Variants in DPYD observed in about 807,000 individuals in gnomAD.
DPYD encodes dihydropyrimidine dehydrogenase, also known as dihydropyrimidine dehydrogenase [NADP(+)].
Under a neutral mutation model 116.2 loss-of-function variants are expected in DPYD, and 109 were observed. That is an observed-to-expected ratio of 0.94 (90% confidence interval 0.80 to 1.10). The LOEUF (loss-of-function observed/expected upper bound fraction) is 1.10, where lower values mean the gene tolerates loss of function less well. DPYD is among the 50% of genes least tolerant of loss of function. The pLI is 0.00. For synonymous variants in DPYD, 440 were observed against 432.0 expected, an observed-to-expected ratio of 1.02 and a Z score of -0.23; for missense variants, 1,302 against 1,254.5, an observed-to-expected ratio of 1.04 and a Z score of -0.57.
chr1:97,157,890 A>C (rs188597243), intron 20 of DPYD, among the ~76,000 whole-genome samples: 2 of 152,132 alleles, frequency 1.3e-5, no homozygotes, highest in African/African-American at 4.8e-5. Flanking sequence ...TTCAGGTGAT[A>C]TATATCTGCA....
At chr1:97,525,347 G>T (rs1648974413) in intron 12 of DPYD, among the ~76,000 whole-genome samples, 1 of 151,888 alleles carries the variant, frequency 6.6e-6, no homozygotes, top group South Asian at 2.1e-4. Context: ...TTATATTGCA[G>T]TATAGCTGAT....
intron 18 of DPYD, chr1:97,295,988 A>G (rs1666501947): frequency 6.5e-6 from 1 of 153,448 alleles, no homozygotes. Flanking sequence ...TAAATTTTGT[A>G]TGCCTGAGAA....
chr1:97,484,228 C>T (rs555795427), intron 13 of DPYD, among the ~76,000 whole-genome samples: 36 of 152,168 alleles, frequency 2.4e-4, no homozygotes, highest in Admixed American at 1.5e-3. Flanking sequence ...CGTTTGAAGC[C>T]GGGAGGTGGA....
intron 2 of DPYD, among the ~76,000 whole-genome samples, chr1:97,858,508 G>C (rs1483595791): frequency 6.6e-6 from 1 of 152,188 alleles, no homozygotes; most frequent in Admixed American, 6.5e-5. Flanking sequence ...TCTACTTCCA[G>C]ATATTATAAA....
chr1:97,389,299 A>AT (rs527745559), intron 14 of DPYD, among the ~76,000 whole-genome samples: 1,161 of 111,436 alleles, frequency 0.01, 18 homozygotes, highest in African/African-American at 0.036. Context: ...ACAGAATGAG[A>AT]TTTTGTCTTT....
At chr1:97,181,492 T>G (rs1052083472) in intron 20 of DPYD, among the ~76,000 whole-genome samples, 1 of 152,266 alleles carries the variant, frequency 6.6e-6, no homozygotes, top group Non-Finnish European at 1.5e-5. Context: ...CCATTTTACC[T>G]GGAAAGTGAA....
At chr1:97,391,046 C>T (rs12049600) in intron 14 of DPYD, among the ~76,000 whole-genome samples, 14,545 of 133,264 alleles carry the variant, frequency 0.11, 970 homozygotes, top group South Asian at 0.28. Context: ...CTTACTTTTC[C>T]TCTTTTTTTT....
At chr1:97,655,888 A>T (rs762885629) in intron 8 of DPYD, among the ~76,000 whole-genome samples, 32 of 152,198 alleles carry the variant, frequency 2.1e-4, no homozygotes, top group Non-Finnish European at 4.0e-4. Flanking sequence ...GGGAGAAATC[A>T]GGATGAAAAG....
chr1:97,848,604 T>G (rs554880009), intron 2 of DPYD, among the ~76,000 whole-genome samples: 50 of 152,192 alleles, frequency 3.3e-4, no homozygotes, highest in Non-Finnish European at 6.3e-4. Context: ...CATGAAAATA[T>G]CAAGCACAAT....
At chr1:97,281,477 T>A (rs1013938347) in intron 18 of DPYD, among the ~76,000 whole-genome samples, 4 of 151,924 alleles carry the variant, frequency 2.6e-5, no homozygotes, top group African/African-American at 9.7e-5. Context: ...AGATCAGCCC[T>A]CTCTATAACT....
chr1:97,595,068 T>C lies in DPYD; in HGVS notation c.949A>G (p.Ser317Gly), dbSNP rs1654783047. 1 of 1,612,726 alleles carries C rather than the reference T, an allele frequency of 6.2e-7. No homozygotes were observed. Among genetic ancestry groups the C allele is most frequent in the African/African-American group, 1.3e-5 (1 of 74,890 alleles). ...KDFLPLVAKG[S>G]KAGMCACHSP... ...AGACAATATGTTATACCTGCTTTAC[T>C]GCCTTTGGCTACAAGTGGCAAAAAG... is the stretch of plus-strand genomic sequence containing the variant. The change falls in exon 9 of 23, where the codon AGT (serine) becomes GGT (glycine). Residue 317 changes from serine to glycine, a missense_variant. By Grantham distance (56) the Ser-to-Gly change is moderately conservative (BLOSUM62 0). Coordinates refer to ENST00000370192, the MANE Select transcript of DPYD (RefSeq NM_000110.4).
chr1:97,148,656 C>G (rs1349720132), intron 20 of DPYD, among the ~76,000 whole-genome samples: 2 of 152,120 alleles, frequency 1.3e-5, no homozygotes, highest in African/African-American at 4.8e-5. Flanking sequence ...GAGATACCTA[C>G]TATGGAATCC....
chr1:97,312,140 CAAT>C (rs1188756571), intron 16 of DPYD, among the ~76,000 whole-genome samples: 1 of 151,574 alleles, frequency 6.6e-6, no homozygotes. Context: ...CTATATTCCA[CAAT>C]AAGAAAATAT....
chr1:97,237,642 C>T (rs1431727024), intron 18 of DPYD, among the ~76,000 whole-genome samples: 1 of 152,062 alleles, frequency 6.6e-6, no homozygotes, highest in African/African-American at 2.4e-5. Context: ...CATATATATA[C>T]ACATATCTTC....
intron 19 of DPYD, among the ~76,000 whole-genome samples, chr1:97,206,707 C>T (rs1298468707): frequency 2.8e-5 from 3 of 106,342 alleles, no homozygotes; most frequent in Admixed American, 1.1e-4. Flanking sequence ...GCTTATAATG[C>T]ATATGTGCGT....
At chr1:97,684,818 A>G (rs531015319) in intron 7 of DPYD, among the ~76,000 whole-genome samples, 36 of 152,274 alleles carry the variant, frequency 2.4e-4, no homozygotes, top group Non-Finnish European at 5.0e-4. Context: ...CCCTGAATAG[A>G]CCAATAACAA....
chr1:97,829,009 A>T (rs1669390660), intron 2 of DPYD, among the ~76,000 whole-genome samples: 2 of 151,912 alleles, frequency 1.3e-5, no homozygotes, highest in Non-Finnish European at 2.9e-5. Context: ...AGAGAACCCG[A>T]ATAGGTTTTG....
intron 3 of DPYD, among the ~76,000 whole-genome samples, chr1:97,799,328 T>G (rs1406434731): frequency 6.6e-6 from 1 of 151,976 alleles, no homozygotes; most frequent in African/African-American, 2.4e-5. Context: ...TGGAGTGGCT[T>G]CAGTATTTCT....
chr1:97,485,732 T>C (rs1678596298), intron 13 of DPYD, among the ~76,000 whole-genome samples: 2 of 152,298 alleles, frequency 1.3e-5, no homozygotes, highest in East Asian at 1.9e-4. Flanking sequence ...CTCTGCAAAA[T>C]TCTTCAGCTA....
Sources: allele counts gnomAD v4.1 joint callset (sites outside exome capture counted in the v4.1 genomes callset), GRCh38; gene constraint gnomAD v4.1.1; transcripts MANE v1.5; gene names NCBI Gene and HGNC (gene_info 2026-07-23, HGNC 2026-07-21).